The following ABR variants were observed in gnomAD, a reference collection of about 807,000 sequenced individuals.
ABR encodes the protein active breakpoint cluster region-related protein.
Under a neutral mutation model 107.2 loss-of-function variants are expected in ABR, and 35 were observed. That is an observed-to-expected ratio of 0.33 (90% confidence interval 0.25 to 0.43). ABR has a LOEUF of 0.43. ABR is among the 20% of genes least tolerant of loss of function. The pLI is 1.00. For synonymous variants in ABR, 498 were observed against 462.0 expected (o/e 1.08, Z -1.00); for missense variants, 815 against 1,115.2 (o/e 0.73, Z 3.83).
chr17:1,097,046 C>T (rs994980498), intron 3 of ABR, among the ~76,000 whole-genome samples: 1 of 152,198 alleles, frequency 6.6e-6, no homozygotes, highest in South Asian at 2.1e-4. Context: ...GGGGCCCCTG[C>T]CCCACAGATT....
chr17:1,011,536 G>A lies in ABR; in HGVS notation c.2101+310C>T, dbSNP rs958323728. ...AAAGCTCTTTCCCTGCGGCTCACCA[G>A]GCACCCAGGAACTAGCAAGAAAGAC... On this transcript the variant is annotated intron_variant, in intron 19 of 22. Transcript: ENST00000302538. The surrounding 1 kb of genome is among the most constrained non-coding windows in gnomAD (Gnocchi z 4.8). 8.9e-6 allele frequency: 2 copies of A among 223,716 alleles called. No homozygotes were observed. Among genetic ancestry groups the A allele is most frequent in the African/African-American group, 4.6e-5 (2 of 43,922 alleles). 13.9% of individuals were successfully genotyped at this position (223,716 alleles called of 1,614,324 possible).
chr17:1,109,555 T>C (rs1388050244), intron 2 of ABR, among the ~76,000 whole-genome samples: 2 of 150,266 alleles, frequency 1.3e-5, no homozygotes, highest in East Asian at 3.9e-4. Context: ...CGGGGTGGGG[T>C]GGAGCGGGGA....
chr17:1,164,702 T>C (rs1290737178), intron 1 of ABR, among the ~76,000 whole-genome samples: 1 of 152,218 alleles, frequency 6.6e-6, no homozygotes, highest in African/African-American at 2.4e-5. Flanking sequence ...GGTCTCACTC[T>C]GTTGCCCAGG....
intron 1 of ABR, among the ~76,000 whole-genome samples, chr17:1,213,361 T>A (rs576776873): frequency 8.5e-5 from 13 of 152,306 alleles, no homozygotes; most frequent in Admixed American, 7.2e-4. Flanking sequence ...AGGTACTATT[T>A]GGTGTGAATT....
intron 1 of ABR, among the ~76,000 whole-genome samples, chr17:1,213,981 G>A (rs988552268): frequency 2.6e-5 from 4 of 151,084 alleles, no homozygotes; most frequent in African/African-American, 9.7e-5. Context: ...TCCGCCTCCC[G>A]GGTTCAAGTG....
intron 16 of ABR, among the ~76,000 whole-genome samples, chr17:1,017,939 C>T (rs1005836876): frequency 6.6e-5 from 10 of 151,832 alleles, no homozygotes; most frequent in Non-Finnish European, 1.0e-4. Context: ...CTCACTGTGC[C>T]GTCCAGGCTG....
At chr17:1,098,422 G>C (rs1392470104) in intron 3 of ABR, among the ~76,000 whole-genome samples, 1 of 152,152 alleles carries the variant, frequency 6.6e-6, no homozygotes, top group Non-Finnish European at 1.5e-5. Context: ...GACACCATGG[G>C]CCCGGCAATT....
At chr17:1,113,278 A>T (rs2440745) in intron 2 of ABR, among the ~76,000 whole-genome samples, 60,341 of 104,094 alleles carry the variant, frequency 0.58, 18,909 homozygotes, top group Non-Finnish European at 0.59. Context: ...ACCTATTGCG[A>T]TTTTTTTTTT....
chr17:1,193,501 A>G (rs8069303), intron 1 of ABR, among the ~76,000 whole-genome samples: 8,886 of 152,210 alleles, frequency 0.058, 360 homozygotes, highest in East Asian at 0.15. Context: ...TGACAGAGCC[A>G]AGTTCTCACT....
Position 1,073,644 on chromosome 17 carries a change from C to T in ABR, c.734G>A (p.Arg245Gln), listed in dbSNP as rs759690652. ...LLYKPIDRVT[R>Q]STLVLHDLLK... ...ACTCACGTGTAGGACTAGGGTGCTC[C>T]GAGTGACCCGGTCAATGGGCTTGTA... Residue 245 changes from arginine (R) to glutamine (Q), a missense_variant, in exon 7 of 23, where the codon CGG (arginine) becomes CAG (glutamine). Arg to Gln is a conservative substitution (Grantham distance 43, BLOSUM62 1). Transcript: ENST00000302538. The T allele has an allele frequency of 6.9e-6, 11 of 1,604,542 alleles. No individual in the cohort carries two copies. The highest frequency in any genetic ancestry group is 2.2e-5 in the South Asian group (2 of 89,492).
chr17:1,172,100 G>A (rs1317933403), intron 1 of ABR, among the ~76,000 whole-genome samples: 2 of 152,210 alleles, frequency 1.3e-5, no homozygotes, highest in Non-Finnish European at 2.9e-5. Flanking sequence ...GGAAGGAAGG[G>A]CAGGAGGAGG....
rs1186021057 is a variant in ABR at position 1,057,336 on chromosome 17, G to A, written c.1382-234C>T. 4.2e-5 allele frequency among the ~76,000 whole-genome samples: 4 copies of A among 95,940 alleles called. No homozygotes were observed. In the East Asian group the frequency reaches 1.0e-3, roughly 25 times the overall value. The allele number at this position is 95,940 out of a possible 152,430, so 62.9% of individuals were successfully genotyped here. A position where few individuals can be genotyped will look rare whatever the true frequency, so the allele number is the denominator to read the frequency against. ...TGTGTGTGTGTGTGTGTGTGTGTGT[G>A]TGTGTGTGTGTGTGTGTGTGTGTGT... On this transcript the variant is annotated intron_variant, in intron 12 of 22. Coordinates refer to ENST00000302538, the MANE Select transcript of ABR (RefSeq NM_021962.5).
chr17:1,133,953 C>T (rs2039950162), intron 1 of ABR, among the ~76,000 whole-genome samples: 1 of 152,188 alleles, frequency 6.6e-6, no homozygotes, highest in East Asian at 1.9e-4. Flanking sequence ...ATTGGAGTTA[C>T]GGTGGCTTTA....
intron 16 of ABR, 140 bp from the exon 17 acceptor site, chr17:1,013,304 T>G (rs1296758202): frequency 1.2e-6 from 1 of 865,240 alleles, no homozygotes; most frequent in African/African-American, 1.7e-5. Flanking sequence ...GATGTTTACC[T>G]GGAAATCAAC....
At chr17:1,021,365 C>A (rs1316336894) in intron 16 of ABR, among the ~76,000 whole-genome samples, 1 of 152,256 alleles carries the variant, frequency 6.6e-6, no homozygotes, top group East Asian at 1.9e-4. Context: ...CCCGAGGAGC[C>A]CTGCCTCCAG....
chr17:1,056,934 G>C, intron 13 of ABR, 64 bp downstream of exon 13: 1 of 1,152,162 alleles, frequency 8.7e-7, no homozygotes. Context: ...GTCCTTACGG[G>C]AAGCCGGCCA....
chr17:1,029,942 C>CCATGA lies in ABR; in HGVS notation c.1792-16779_1792-16778insTCATG, dbSNP rs1435659355. Among the ~76,000 whole-genome samples the CCATGA allele has an allele frequency of 1.8e-3, 275 of 151,850 alleles. 3 individuals carry two copies. Among genetic ancestry groups the CCATGA allele is most frequent in the African/African-American group, 6.1e-3 (251 of 41,246 alleles). On this transcript the variant is annotated intron_variant, in intron 16 of 22. Coordinates refer to ENST00000302538, the MANE Select transcript of ABR (RefSeq NM_021962.5). ...TCCGCCACAGCGCTGACCCCTGCGT[C>CCATGA]CACGACACGGACACACTGTGGCACA...
At chr17:1,196,867 T>C (rs2042579961) in intron 1 of ABR, among the ~76,000 whole-genome samples, 1 of 151,972 alleles carries the variant, frequency 6.6e-6, no homozygotes, top group South Asian at 2.1e-4. Flanking sequence ...GCTAATTTTT[T>C]GTATTTTTAG....
At chr17:1,184,827 TCTA>T (rs1326699975), upstream of ABR, 1 of 152,086 alleles carries the variant, frequency 6.6e-6, no homozygotes, top group Non-Finnish European at 1.5e-5. Context: ...CCGTGCCTGG[TCTA>T]CTGAGTGCTT....
Sources: gnomAD v4.1 joint callset for allele counts (sites outside exome capture counted in the v4.1 genomes callset) on GRCh38, gnomAD v4.1.1 for gene constraint, Gnocchi (gnomAD v3.1) non-coding constraint, MANE v1.5 for transcripts, NCBI Gene and HGNC (gene_info 2026-07-23, HGNC 2026-07-21) for gene names.